TBCK: variants seen among roughly 807,000 people sequenced by gnomAD.
The protein encoded by TBCK is TBC1 domain containing kinase.
A neutral mutation model predicts 113.4 loss-of-function variants in TBCK; 99 were observed. That is an observed-to-expected ratio of 0.87 (90% confidence interval 0.74 to 1.03). The LOEUF is 1.03. Ranked by LOEUF, TBCK falls within the 50% of genes least tolerant of loss-of-function variation. The pLI, the probability that TBCK is intolerant of heterozygous loss-of-function variation, is 0.00. For synonymous variants in TBCK, 369 were observed against 370.8 expected, an observed-to-expected ratio of 1.00 and a Z score of 0.05; for missense variants, 1,045 against 1,061.3, an observed-to-expected ratio of 0.98 and a Z score of 0.21.
chr4:106,143,424 T>C (rs2149658581), intron 23 of TBCK, among the ~76,000 whole-genome samples: 1 of 152,310 alleles, frequency 6.6e-6, no homozygotes, highest in Admixed American at 6.5e-5. Context: ...ACATTTTTAC[T>C]ATACGAGTAC....
rs1261696579 is a variant in TBCK, at chr4:106,043,062, T to C, written c.*3508A>G. ...ATATGTATTCCAAAACCTGAGTTCT[T>C]GGGGCTTATATTGATACTGGGTATC... On this transcript the variant is annotated 3_prime_UTR_variant, in exon 26 of 26. Transcript: ENST00000394708. The C allele has an allele frequency of 6.6e-6, 1 of 152,218 alleles. No homozygotes were observed. Among genetic ancestry groups the C allele is most frequent in the Non-Finnish European group, 1.5e-5 (1 of 68,034 alleles). 9.4% of individuals were successfully genotyped at this position (152,218 alleles called of 1,614,324 possible). A position where few individuals can be genotyped will look rare whatever the true frequency, so the allele number is the denominator to read the frequency against.
chr4:106,073,574 G>C (rs1737777460), intron 25 of TBCK, among the ~76,000 whole-genome samples: 1 of 152,196 alleles, frequency 6.6e-6, no homozygotes. Flanking sequence ...ACGGGTGTCA[G>C]GGACCCACTT....
intron 23 of TBCK, among the ~76,000 whole-genome samples, chr4:106,160,547 A>G (rs1314186592): frequency 6.6e-6 from 1 of 151,952 alleles, no homozygotes; most frequent in African/African-American, 2.4e-5. Flanking sequence ...CAAAACTACA[A>G]TGAGATTCCA....
upstream of TBCK, chr4:106,316,266 T>G: frequency 2.9e-6 from 1 of 348,788 alleles, no homozygotes; most frequent in Non-Finnish European, 5.3e-6. Flanking sequence ...GACCCAACGC[T>G]GAGGAAAGAC....
At chr4:106,288,983 T>G (rs1246431734) in intron 3 of TBCK, among the ~76,000 whole-genome samples, 3 of 152,204 alleles carry the variant, frequency 2.0e-5, no homozygotes, top group African/African-American at 4.8e-5. Flanking sequence ...CATAGCTCAC[T>G]ATGTAAATGC....
intron 3 of TBCK, among the ~76,000 whole-genome samples, chr4:106,289,182 C>T (rs1243346088): frequency 6.6e-6 from 1 of 152,136 alleles, no homozygotes; most frequent in African/African-American, 2.4e-5. Context: ...AATCTTTTTG[C>T]ATAGGTGGAC....
At chr4:106,237,311 T>C (rs558147143) in intron 12 of TBCK, among the ~76,000 whole-genome samples, 2 of 152,232 alleles carry the variant, frequency 1.3e-5, no homozygotes, top group East Asian at 3.9e-4. Flanking sequence ...ATGATTCAAA[T>C]AGCTAATAAA....
chr4:106,192,810 T>C (rs1220152304), intron 22 of TBCK, among the ~76,000 whole-genome samples: 1 of 151,996 alleles, frequency 6.6e-6, no homozygotes, highest in Non-Finnish European at 1.5e-5. Flanking sequence ...TTCAGGCAAA[T>C]TTGATTCTGG....
chr4:106,250,200 T>C (rs1202467866), intron 7 of TBCK, among the ~76,000 whole-genome samples: 2 of 152,064 alleles, frequency 1.3e-5, no homozygotes, highest in Non-Finnish European at 2.9e-5. Flanking sequence ...CCATCTAGGT[T>C]AAAATTCCTC....
At chr4:106,270,285 T>C (rs1763361993) in intron 3 of TBCK, among the ~76,000 whole-genome samples, 1 of 152,216 alleles carries the variant, frequency 6.6e-6, no homozygotes, top group African/African-American at 2.4e-5. Context: ...CACCATTTGA[T>C]ACACAGGTCT....
In TBCK at chr4:106,144,293, C is replaced by T. The variant is rs1395582823; in HGVS notation, c.2235+26802G>A. Among the ~76,000 whole-genome samples the T allele has an allele frequency of 7.2e-5, 11 of 152,104 alleles. No individual in the cohort carries two copies. In the South Asian group the frequency reaches 8.3e-4, roughly 11 times the overall value. On this transcript the variant is annotated intron_variant, in intron 23 of 25. Transcript: ENST00000394708. ...AACTGTAAATTGAAGAGCTCTGTTT[C>T]GAATAAAAGTTGAGTAAGTTGAGTC...
At chr4:106,223,458 A>G (rs1209766217) in intron 19 of TBCK, among the ~76,000 whole-genome samples, 1 of 152,128 alleles carries the variant, frequency 6.6e-6, no homozygotes, top group Non-Finnish European at 1.5e-5. Context: ...TAGACCCAGC[A>G]TCTGGTACAG....
Position 106,116,217 on chromosome 4 carries a change from G to T in TBCK, c.2397C>A (p.Ile799=), listed in dbSNP as rs150586131. ...GCAAAGGATACTCTTCACTATTCCG[G>T]ATGTCAACCACCAGGAGCTTTGGTT... The part of the protein sequence containing the change: ...SSKPKLLVVD[I]RNSEDFIRGH... The change falls in exon 24 of 26, where the codon ATC becomes ATA. Residue 799 remains isoleucine (I), a synonymous_variant. Transcript: ENST00000394708. 2.6e-4 allele frequency: 416 copies of T among 1,613,718 alleles called. 1 individual carries two copies. The African/African-American group carries it at 5.0e-3, about 20-fold the overall frequency.
chr4:106,181,560 G>A (rs1291737629), intron 22 of TBCK, among the ~76,000 whole-genome samples: 1 of 152,060 alleles, frequency 6.6e-6, no homozygotes, highest in Non-Finnish European at 1.5e-5. Context: ...GTGTAAGGAC[G>A]GGGTCCAGTT....
Position 106,185,254 on chromosome 4 carries a change from T to TA in TBCK, c.2059+8354dup, listed in dbSNP as rs1327475812. Among the ~76,000 whole-genome samples the TA allele has an allele frequency of 2.0e-5, 3 of 152,076 alleles. No homozygotes were observed. In the East Asian group the frequency reaches 5.8e-4, roughly 29 times the overall value. ...TATAAACACTCTGGTATATTATTTC[T>TA]ATAAATACTCTGGTATATTATTTCT... On this transcript the variant is annotated intron_variant, in intron 22 of 25. Transcript: ENST00000394708.
intron 24 of TBCK, among the ~76,000 whole-genome samples, chr4:106,096,625 A>G (rs1419008457): frequency 6.6e-6 from 1 of 152,188 alleles, no homozygotes; most frequent in Non-Finnish European, 1.5e-5. Context: ...CCCTGAGGAA[A>G]GGGTGAGCCT....
intron 23 of TBCK, among the ~76,000 whole-genome samples, chr4:106,162,955 C>A: frequency 6.6e-6 from 1 of 152,116 alleles, no homozygotes; most frequent in East Asian, 1.9e-4. Flanking sequence ...GCTTGAATTT[C>A]TCCCCAGGAA....
intron 24 of TBCK, among the ~76,000 whole-genome samples, chr4:106,109,430 T>A (rs937187508): frequency 6.6e-6 from 1 of 152,020 alleles, no homozygotes; most frequent in African/African-American, 2.4e-5. Flanking sequence ...AACAGGCACA[T>A]AGACTAATGG....
intron 3 of TBCK, among the ~76,000 whole-genome samples, chr4:106,271,892 T>C: frequency 6.6e-6 from 1 of 152,110 alleles, no homozygotes; most frequent in East Asian, 1.9e-4. Flanking sequence ...TCAAAAGCAA[T>C]GGTACAGAAT....
Sources: allele counts gnomAD v4.1 joint callset (sites outside exome capture counted in the v4.1 genomes callset), GRCh38; gene constraint gnomAD v4.1.1; transcripts MANE v1.5; gene names NCBI Gene and HGNC (gene_info 2026-07-23, HGNC 2026-07-21).